Variants in RNF220 observed in about 807,000 individuals in gnomAD.
The protein encoded by RNF220 is ring finger protein 220.
Under a neutral mutation model 67.1 loss-of-function variants are expected in RNF220, and 7 were observed. The observed-to-expected ratio is 0.10, with a 90% confidence interval of 0.06 to 0.20. The LOEUF (loss-of-function observed/expected upper bound fraction) is 0.20. RNF220 is among the 10% of genes least tolerant of loss of function. The probability of loss-of-function intolerance (pLI) is 1.00; values close to 1 mark genes in which losing one functional copy is unlikely to be tolerated. For synonymous variants in RNF220, 270 were observed against 283.2 expected (o/e 0.95, Z 0.47); for missense variants, 565 against 740.3 (o/e 0.76, Z 2.75).
intron 2 of RNF220, among the ~76,000 whole-genome samples, chr1:44,500,900 G>A (rs1657786979): frequency 6.6e-6 from 1 of 152,226 alleles, no homozygotes; most frequent in South Asian, 2.1e-4. Context: ...TGGGGCTCGG[G>A]AGCCAGGGGC....
chr1:44,623,451 T>G (rs1304292033), intron 4 of RNF220, among the ~76,000 whole-genome samples: 2 of 152,218 alleles, frequency 1.3e-5, no homozygotes, highest in African/African-American at 4.8e-5. Context: ...AAGATGGCCA[T>G]GGACACAGTG....
chr1:44,504,807 C>T (rs1255523322), intron 2 of RNF220, among the ~76,000 whole-genome samples: 2 of 152,142 alleles, frequency 1.3e-5, no homozygotes, highest in African/African-American at 4.8e-5. Context: ...TCTTAAGAAG[C>T]TGGCACCTAT....
intron 1 of RNF220, among the ~76,000 whole-genome samples, chr1:44,407,927 C>G (rs1018615133): frequency 1.5e-4 from 23 of 152,262 alleles, no homozygotes; most frequent in Admixed American, 1.2e-3. Flanking sequence ...CCCCGCGGGC[C>G]CCGCGCGGCT....
intron 2 of RNF220, among the ~76,000 whole-genome samples, chr1:44,532,597 G>A (rs182944229): frequency 9.8e-4 from 149 of 152,288 alleles, no homozygotes; most frequent in African/African-American, 3.4e-3. Context: ...ATAAGAGGCC[G>A]AATTGTTTTA....
chr1:44,505,903 G>A (rs1401888161), intron 2 of RNF220, among the ~76,000 whole-genome samples: 1 of 150,070 alleles, frequency 6.7e-6, no homozygotes, highest in Non-Finnish European at 1.5e-5. Context: ...CTCCCCCCAT[G>A]CCCTGCCCCA....
intron 2 of RNF220, among the ~76,000 whole-genome samples, chr1:44,446,381 T>C (rs1373015254): frequency 6.6e-6 from 1 of 152,208 alleles, no homozygotes; most frequent in Admixed American, 6.5e-5. Context: ...TGCAGTGAAC[T>C]GTAATTTGTG....
intron 2 of RNF220, among the ~76,000 whole-genome samples, chr1:44,553,163 A>T (rs1186031041): frequency 2.0e-5 from 3 of 151,478 alleles, no homozygotes; most frequent in Non-Finnish European, 4.4e-5. Context: ...GATAGGTGCC[A>T]CTTTTGTGTA....
At chr1:44,533,247 T>A (rs1352135771) in intron 2 of RNF220, among the ~76,000 whole-genome samples, 3 of 152,134 alleles carry the variant, frequency 2.0e-5, no homozygotes, top group Non-Finnish European at 4.4e-5. Flanking sequence ...TCCCAGCACT[T>A]TGGGAGACCA....
chr1:44,547,874 G>A (rs1484788715), intron 2 of RNF220, among the ~76,000 whole-genome samples: 1 of 152,144 alleles, frequency 6.6e-6, no homozygotes, highest in Admixed American at 6.5e-5. Context: ...ATGAGATCTT[G>A]AAGTGGTCTT....
intron 2 of RNF220, among the ~76,000 whole-genome samples, chr1:44,480,783 G>A (rs1304261527): frequency 1.3e-5 from 2 of 152,158 alleles, no homozygotes; most frequent in African/African-American, 4.8e-5. Flanking sequence ...CTACTTGGGA[G>A]GCTAAAGCAG....
chr1:44,529,689 T>C (rs1660682947), intron 2 of RNF220, among the ~76,000 whole-genome samples: 1 of 152,180 alleles, frequency 6.6e-6, no homozygotes, highest in Non-Finnish European at 1.5e-5. Context: ...TATTTATTTA[T>C]ATTTTAAAAA....
intron 2 of RNF220, among the ~76,000 whole-genome samples, chr1:44,494,392 A>G (rs1304469187): frequency 6.6e-6 from 1 of 152,192 alleles, no homozygotes; most frequent in Non-Finnish European, 1.5e-5. Flanking sequence ...ATTCTCAGAC[A>G]TGCATGAAAT....
chr1:44,648,113 G>A (rs562865848), intron 12 of RNF220, among the ~76,000 whole-genome samples: 22 of 152,174 alleles, frequency 1.4e-4, no homozygotes, highest in Non-Finnish European at 2.9e-4. Flanking sequence ...CCCTTGGCCT[G>A]GAGCCCCACC....
At chr1:44,529,238 A>G (rs192506926) in intron 2 of RNF220, among the ~76,000 whole-genome samples, 1 of 152,208 alleles carries the variant, frequency 6.6e-6, no homozygotes. Context: ...TAGTATAATC[A>G]TATGATAAAA....
intron 2 of RNF220, among the ~76,000 whole-genome samples, chr1:44,448,757 T>C (rs921464784): frequency 4.6e-5 from 7 of 152,172 alleles, no homozygotes; most frequent in Admixed American, 4.6e-4. Flanking sequence ...ATTGAGAACA[T>C]TAGAGTTTTT....
At position 44,650,102 on chromosome 1, in the gene RNF220, A is replaced by C; in HGVS notation, c.1629+145A>C. Reference sequence around the variant, plus strand: ...AGGAGCCAGGATATTTACCCGCAGGATATTTACCCCCAGGCTCGCTGCCTC... The same window carrying C: ...AGGAGCCAGGATATTTACCCGCAGGCTATTTACCCCCAGGCTCGCTGCCTC... On this transcript the variant is annotated intron_variant, in intron 14 of 14. Coordinates refer to ENST00000361799, the MANE Select transcript of RNF220 (RefSeq NM_018150.4). This position sits in a 1 kb window ranked among gnomAD's most constrained non-coding sequence, Gnocchi z 4.3. The C allele has an allele frequency of 1.2e-6, 1 of 844,554 alleles. No homozygotes were observed. The highest frequency in any genetic ancestry group is 2.6e-5 in the East Asian group (1 of 37,908). The allele number at this position is 844,554 out of a possible 1,614,324, so 52.3% of individuals were successfully genotyped here.
intron 2 of RNF220, among the ~76,000 whole-genome samples, chr1:44,482,717 A>G (rs1021798833): frequency 6.6e-6 from 1 of 151,766 alleles, no homozygotes; most frequent in African/African-American, 2.4e-5. Context: ...TGCCTCTCAG[A>G]TTCCAGTGAT....
At chr1:44,577,867 C>T (rs1382450865) in intron 2 of RNF220, among the ~76,000 whole-genome samples, 1 of 149,594 alleles carries the variant, frequency 6.7e-6, no homozygotes, top group Non-Finnish European at 1.5e-5. Flanking sequence ...GAAAGGGTCT[C>T]ACCCTATCCC....
intron 7 of RNF220, 184 bp from the exon 8 acceptor site, chr1:44,635,846 C>A: frequency 7.6e-7 from 1 of 1,315,444 alleles, no homozygotes; most frequent in Non-Finnish European, 1.0e-6. Flanking sequence ...TGGGCTCCAG[C>A]GGAAAACTAT....
Sources: allele counts gnomAD v4.1 joint callset (sites outside exome capture counted in the v4.1 genomes callset), GRCh38; gene constraint gnomAD v4.1.1; non-coding constraint Gnocchi (gnomAD v3.1); transcripts MANE v1.5; gene names NCBI Gene and HGNC (gene_info 2026-07-23, HGNC 2026-07-21).